GMDS: variants seen among roughly 807,000 people sequenced by gnomAD.
The protein encoded by GMDS is GDP-mannose 4,6 dehydratase.
GMDS carries 20 observed loss-of-function variants against 49.9 expected under a neutral mutation model. The ratio of observed to expected loss-of-function variants is 0.40; its 90% confidence interval spans 0.28 to 0.58. GMDS has a LOEUF of 0.58. GMDS is among the 20% of genes least tolerant of loss of function. The pLI is 0.42. For missense variants in GMDS, 362 were observed against 481.4 expected, an observed-to-expected ratio of 0.75 and a Z score of 2.32; for synonymous variants, 177 against 178.6, an observed-to-expected ratio of 0.99 and a Z score of 0.07.
intron 4 of GMDS, among the ~76,000 whole-genome samples, chr6:2,097,403 G>A (rs1773669054): frequency 6.6e-6 from 1 of 152,026 alleles, no homozygotes; most frequent in East Asian, 1.9e-4. Flanking sequence ...AAGGCTTCTG[G>A]GAAGAGAAAG....
chr6:2,117,435 T>C (rs375356391), intron 3 of GMDS, 34 bp downstream of exon 3: 21 of 1,210,586 alleles, frequency 1.7e-5, no homozygotes, highest in Middle Eastern at 1.9e-4. Flanking sequence ...AAACACCTTA[T>C]AGAAAGAGAT....
intron 4 of GMDS, among the ~76,000 whole-genome samples, chr6:2,115,227 T>G (rs1382548708): frequency 6.6e-6 from 1 of 152,138 alleles, no homozygotes; most frequent in Non-Finnish European, 1.5e-5. Context: ...AGAATGCGAA[T>G]AGAGGGGAAA....
chr6:1,795,037 CA>C (rs1769685213), intron 7 of GMDS, among the ~76,000 whole-genome samples: 1 of 151,894 alleles, frequency 6.6e-6, no homozygotes, highest in Non-Finnish European at 1.5e-5. Context: ...AAAACAAAAA[CA>C]AAAACACAAA....
intron 7 of GMDS, among the ~76,000 whole-genome samples, chr6:1,818,882 T>C (rs1770777278): frequency 6.6e-6 from 1 of 152,176 alleles, no homozygotes; most frequent in Non-Finnish European, 1.5e-5. Context: ...CGCTTCTCTT[T>C]GTCTCAAACT....
chr6:2,038,840 G>A (rs913673389), intron 4 of GMDS, among the ~76,000 whole-genome samples: 8 of 152,154 alleles, frequency 5.3e-5, no homozygotes, highest in Non-Finnish European at 7.3e-5. Context: ...AGAAGGCAGG[G>A]GCAACGTGAA....
At chr6:1,692,873 T>C (rs1765222377) in intron 9 of GMDS, among the ~76,000 whole-genome samples, 1 of 152,240 alleles carries the variant, frequency 6.6e-6, no homozygotes, top group Non-Finnish European at 1.5e-5. Context: ...TGATTGGTTC[T>C]TTTTCTCTTG....
At chr6:1,889,707 C>T (rs551815447) in intron 7 of GMDS, among the ~76,000 whole-genome samples, 3 of 152,274 alleles carry the variant, frequency 2.0e-5, no homozygotes, top group South Asian at 4.1e-4. Flanking sequence ...ACCATTACCA[C>T]GATCTAAGTT....
At chr6:1,951,902 G>A (rs1040083882) in intron 6 of GMDS, 83 of 985,104 alleles carry the variant, frequency 8.4e-5, no homozygotes, top group Admixed American at 2.5e-4. Context: ...GAGACATTCC[G>A]TTTCCAACTT....
At chr6:2,140,574 G>A (rs1363648808) in intron 1 of GMDS, among the ~76,000 whole-genome samples, 2 of 152,308 alleles carry the variant, frequency 1.3e-5, no homozygotes, top group African/African-American at 4.8e-5. Flanking sequence ...GTCGTTCCCA[G>A]TCTATTTAAT....
In GMDS at chr6:2,070,185, A is replaced by G. The variant is rs1419013332; in HGVS notation, c.345+45586T>C. 8.7e-5 allele frequency among the ~76,000 whole-genome samples: 13 copies of G among 149,304 alleles called. No individual in the cohort carries two copies. In the South Asian group the frequency reaches 1.3e-3, roughly 15 times the overall value. On this transcript the variant is annotated intron_variant, in intron 4 of 10. Transcript: ENST00000380815. The stretch of plus-strand genomic sequence containing the variant: ...TCGCAAGAACAAAAAACAAAACACC[A>G]CATATTCTCACTCATAGGTGGCAAT...
chr6:1,839,164 T>C (rs1757049296), intron 7 of GMDS, among the ~76,000 whole-genome samples: 1 of 151,044 alleles, frequency 6.6e-6, no homozygotes, highest in Non-Finnish European at 1.5e-5. Context: ...AAAAAAAAAG[T>C]GAGCATGTCT....
intron 9 of GMDS, among the ~76,000 whole-genome samples, chr6:1,716,381 CA>C (rs1749691144): frequency 6.6e-6 from 1 of 152,166 alleles, no homozygotes; most frequent in African/African-American, 2.4e-5. Context: ...TTGAACCCAT[CA>C]GGGGTCAGAT....
chr6:2,020,165 C>T (rs1468564754), intron 4 of GMDS, among the ~76,000 whole-genome samples: 1 of 152,066 alleles, frequency 6.6e-6, no homozygotes, highest in Non-Finnish European at 1.5e-5. Flanking sequence ...ATGACTGATG[C>T]TGCATATATT....
At chr6:2,025,970 C>T (rs1768573589) in intron 4 of GMDS, among the ~76,000 whole-genome samples, 1 of 152,156 alleles carries the variant, frequency 6.6e-6, no homozygotes, top group Non-Finnish European at 1.5e-5. Flanking sequence ...TGCTACATGG[C>T]CACATAGTCC....
chr6:2,176,020 G>A (rs2127558185), intron 1 of GMDS: 1 of 1,531,646 alleles, frequency 6.5e-7, no homozygotes, highest in South Asian at 1.2e-5. Flanking sequence ...GTGCCTCAGA[G>A]CACAGATGCT....
chr6:1,648,061 C>G (rs913626782), intron 9 of GMDS, among the ~76,000 whole-genome samples: 19 of 152,086 alleles, frequency 1.2e-4, no homozygotes, highest in African/African-American at 4.6e-4. Flanking sequence ...AGAGCCCATA[C>G]CTATTTGCCT....
chr6:1,891,914 G>A (rs1759887332), intron 7 of GMDS, among the ~76,000 whole-genome samples: 2 of 152,134 alleles, frequency 1.3e-5, no homozygotes, highest in South Asian at 4.1e-4. Flanking sequence ...TGCCAAGGAG[G>A]CCACAGAACT....
chr6:2,111,952 G>T (rs1024210473), intron 4 of GMDS, among the ~76,000 whole-genome samples: 9 of 152,160 alleles, frequency 5.9e-5, no homozygotes, highest in African/African-American at 2.2e-4. Flanking sequence ...CCCTGGAGAG[G>T]TGAGGGAACA....
intron 4 of GMDS, among the ~76,000 whole-genome samples, chr6:2,098,735 A>G (rs1336003303): frequency 1.3e-5 from 2 of 152,158 alleles, no homozygotes; most frequent in Non-Finnish European, 2.9e-5. Flanking sequence ...CAAGTTTGCC[A>G]CCTTGACAGT....
Sources: gnomAD v4.1 joint callset for allele counts (sites outside exome capture counted in the v4.1 genomes callset) on GRCh38, gnomAD v4.1.1 for gene constraint, MANE v1.5 for transcripts, NCBI Gene and HGNC (gene_info 2026-07-23, HGNC 2026-07-21) for gene names.